The following TASOR2 variants were observed in gnomAD, a reference collection of about 807,000 sequenced individuals.
TASOR2 encodes transcription activation suppressor family member 2.
TASOR2 carries 84 observed loss-of-function variants against 199.5 expected under a neutral mutation model. That is an observed-to-expected ratio of 0.42 (90% CI 0.35 to 0.50). The LOEUF is 0.50. Ranked by LOEUF, TASOR2 falls within the 20% of genes least tolerant of loss-of-function variation. TASOR2 has a pLI of 0.02. For missense variants in TASOR2, 2,796 were observed against 2,835.9 expected (o/e 0.99, Z 0.32); for synonymous variants, 1,103 against 1,046.6 (o/e 1.05, Z -1.04).
chr10:5,684,969 C>T (rs755679074), exon 1 of TASOR2: 7 of 397,640 alleles, frequency 1.8e-5, no homozygotes, highest in Non-Finnish European at 2.7e-5. Flanking sequence ...TCCCTGTCAG[C>T]GCCCGCGGCG....
rs1836238557 is a variant in TASOR2 at position 5,689,932 on chromosome 10, C to A, written c.-288+4757C>A. On this transcript the variant is annotated intron_variant, in intron 1 of 20. Coordinates refer to ENST00000328090, the Ensembl canonical transcript of TASOR2. The surrounding 1 kb of genome is among the most constrained non-coding windows in gnomAD (Gnocchi z 4.1). ...TTGGAAGAGGGGGTAGAGTTTTTGA[C>A]TACTCTTTTCATTTTCTTCATCATT... 6.6e-6 allele frequency among the ~76,000 whole-genome samples: 1 copy of A among 152,060 alleles called. No individual in the cohort carries two copies. The highest frequency in any genetic ancestry group is 2.4e-5 in the African/African-American group (1 of 41,412).
In TASOR2 at chr10:5,699,199, G is replaced by A. The variant is rs1363336940; in HGVS notation, c.-287-13624G>A. Among the ~76,000 whole-genome samples the A allele has an allele frequency of 6.6e-6, 1 of 152,080 alleles. No individual in the cohort carries two copies. Among genetic ancestry groups the A allele is most frequent in the Non-Finnish European group, 1.5e-5 (1 of 67,966 alleles). On this transcript the variant is annotated intron_variant, in intron 1 of 20. Coordinates refer to ENST00000328090, the Ensembl canonical transcript of TASOR2. The surrounding 1 kb of genome is among the most constrained non-coding windows in gnomAD (Gnocchi z 4.1). ...TAACATGGATGAACTTCAAAAACAG[G>A]CTAAGTGAAAGAAGCCAATCATGAA...
chr10:5,757,713 A>G, intron 17 of TASOR2, 40 bp downstream of exon 18: 2 of 1,603,026 alleles, frequency 1.2e-6, no homozygotes, highest in Non-Finnish European at 8.5e-7. Flanking sequence ...TTGAAGTCAG[A>G]TCAACTTCTC....
At chr10:5,746,389 A>T (rs1837214438) in exon 15 of TASOR2, 1 of 1,614,096 alleles carries the variant, frequency 6.2e-7, no homozygotes, top group Admixed American at 1.7e-5. Context: ...TCAGCCAGTG[A>T]TATGTCAGAG....
intron 16 of TASOR2, 106 bp downstream of exon 17, chr10:5,756,844 A>G: frequency 8.0e-7 from 1 of 1,245,440 alleles, no homozygotes; most frequent in East Asian, 2.4e-5. Context: ...GCTAACAGAC[A>G]TTACTGTTGG....
intron 19 of TASOR2, 39 bp from the exon 21 acceptor site, chr10:5,762,493 T>C: frequency 1.9e-6 from 1 of 537,018 alleles, no homozygotes; most frequent in South Asian, 3.6e-5. Flanking sequence ...AGTACATTAA[T>C]TATATTAACC....
At position 5,748,759 on chromosome 10, in the gene TASOR2, T is replaced by C. The variant is rs192382862; in HGVS notation, c.5338T>C (p.Phe1780Leu). 5 of 1,614,060 alleles carry C rather than the reference T, an allele frequency of 3.1e-6. No individual in the cohort carries two copies. Among genetic ancestry groups the C allele is most frequent in the African/African-American group, 1.3e-5 (1 of 74,930 alleles). ...TTTGGCCTCCTTTGTTTCAGAATCCTTTGATACTTCTGTTTGTGGAATAGC... is the reference window on the plus strand; with the variant it reads ...TTTGGCCTCCTTTGTTTCAGAATCCCTTGATACTTCTGTTTGTGGAATAGC... The change falls in exon 15 of 21, where the codon TTT becomes CTT. Residue 1780 changes from phenylalanine to leucine, a missense_variant. Around this residue, in one of 3 missense-constraint regions of TASOR2, gnomAD observed 1,941 missense variants for 1,924.9 expected, o/e 1.01. Coordinates refer to ENST00000328090, the Ensembl canonical transcript of TASOR2. This position sits in a 1 kb window ranked among gnomAD's most constrained non-coding sequence, Gnocchi z 5.1.
chr10:5,700,577 A>G (rs1298183463), intron 1 of TASOR2, among the ~76,000 whole-genome samples: 3 of 152,262 alleles, frequency 2.0e-5, no homozygotes, highest in East Asian at 1.9e-4. Context: ...CCCCTTCTCC[A>G]TATCTTCGCC....
intron 7 of TASOR2, 39 bp downstream of exon 8, chr10:5,723,816 T>G: frequency 7.3e-7 from 1 of 1,362,010 alleles, no homozygotes; most frequent in Admixed American, 2.1e-5. Flanking sequence ...TGTCCTGGGC[T>G]TTGTTCTGGT....
At chr10:5,760,082 T>C (rs952721283) in intron 18 of TASOR2, among the ~76,000 whole-genome samples, 2 of 152,204 alleles carry the variant, frequency 1.3e-5, no homozygotes, top group South Asian at 2.1e-4. Flanking sequence ...CATAAGACGA[T>C]TTTGTCTATG....
chr10:5,721,674 T>C (rs1420853124), intron 6 of TASOR2, among the ~76,000 whole-genome samples: 1 of 152,168 alleles, frequency 6.6e-6, no homozygotes, highest in Non-Finnish European at 1.5e-5. Context: ...TGTGGAAAGA[T>C]TGATAAATTA....
Position 5,762,529 on chromosome 10 carries a change from CAG to C in TASOR2, c.7175-1_7175del. 1 of 473,538 alleles carries C rather than the reference CAG, an allele frequency of 2.1e-6. No individual in the cohort carries two copies. The highest frequency in any genetic ancestry group is 3.3e-6 in the Non-Finnish European group (1 of 307,166). 29.3% of individuals were successfully genotyped at this position (473,538 alleles called of 1,614,324 possible). On this transcript the variant is annotated splice_acceptor_variant, in intron 19 of 20. Coordinates refer to ENST00000328090, the Ensembl canonical transcript of TASOR2. LOFTEE classifies it high-confidence loss of function. ...AAAAGTTGTTTTTTTTTTTTTTTAA[CAG>C]ACAAGCCTACTATCCCCAGAGAAGT...
exon 8 of TASOR2, chr10:5,724,465 G>A: frequency 6.5e-7 from 1 of 1,539,672 alleles, no homozygotes; most frequent in South Asian, 1.3e-5. Flanking sequence ...TTTGTATGAG[G>A]TAGAACTGTC....
chr10:5,755,305 G>A (rs1838769555), intron 15 of TASOR2, among the ~76,000 whole-genome samples: 1 of 152,146 alleles, frequency 6.6e-6, no homozygotes, highest in Non-Finnish European at 1.5e-5. Flanking sequence ...CCACACAGTG[G>A]CTCTCGCCTG....
intron 6 of TASOR2, among the ~76,000 whole-genome samples, chr10:5,723,109 C>T (rs917371606): frequency 9.1e-5 from 11 of 121,486 alleles, no homozygotes; most frequent in South Asian, 2.8e-4. Flanking sequence ...TAGAGTGCAG[C>T]GGCACAATCT....
At chr10:5,736,158 C>A (rs148175378) in intron 12 of TASOR2, among the ~76,000 whole-genome samples, 2 of 152,042 alleles carry the variant, frequency 1.3e-5, no homozygotes, top group African/African-American at 4.8e-5. Flanking sequence ...CGGTGTCTCA[C>A]GCCTGTAATC....
chr10:5,748,634 CAT>C lies in TASOR2; in HGVS notation c.5214_5215del (p.Cys1739Ter), dbSNP rs1491371030. On this transcript the variant is annotated frameshift_variant, in exon 15 of 21. Transcript: ENST00000328090. LOFTEE classifies it high-confidence loss of function. The surrounding 1 kb of genome is among the most constrained non-coding windows in gnomAD (Gnocchi z 5.1). Reference sequence around the variant, plus strand: ...ATCCACACGCTGCAAGATGTGTCAACATGTGAAACAAAGGAGCTATTGAATGT... The same window carrying C: ...ATCCACACGCTGCAAGATGTGTCAACGTGAAACAAAGGAGCTATTGAATGT... 3.7e-6 allele frequency: 6 copies of C among 1,614,218 alleles called. No homozygotes were observed. The highest frequency in any genetic ancestry group is 2.2e-5 in the East Asian group (1 of 44,884).
rs1293710859 is a variant in TASOR2, at chr10:5,754,311, T to G, written c.6607-2302T>G. Among the ~76,000 whole-genome samples the G allele has an allele frequency of 1.3e-5, 2 of 152,112 alleles. No homozygotes were observed. Among genetic ancestry groups the G allele is most frequent in the African/African-American group, 2.4e-5 (1 of 41,410 alleles). On this transcript the variant is annotated intron_variant, in intron 15 of 20. Transcript: ENST00000328090. The surrounding 1 kb of genome is among the most constrained non-coding windows in gnomAD (Gnocchi z 4.3). ...ACAGAGCAGTAATCTTAGTTCTCAC[T>G]TCCTTTCCAGATGAAGTGATAATGA...
At chr10:5,700,720 T>G (rs1837717953) in intron 1 of TASOR2, among the ~76,000 whole-genome samples, 1 of 152,128 alleles carries the variant, frequency 6.6e-6, no homozygotes, top group African/African-American at 2.4e-5. Flanking sequence ...TTGGCCATTT[T>G]TATGTCTTCT....
Sources: gnomAD v4.1 joint callset for allele counts (sites outside exome capture counted in the v4.1 genomes callset) on GRCh38, gnomAD v4.1.1 for gene constraint, gnomAD v4.1.1 regional missense constraint, Gnocchi (gnomAD v3.1) non-coding constraint, MANE v1.5 for transcripts, NCBI Gene and HGNC (gene_info 2026-07-23, HGNC 2026-07-21) for gene names.